Variants in ZNF717 observed in about 807,000 individuals in gnomAD.
The protein encoded by ZNF717 is krueppel-like factor X17.
Under a neutral mutation model 13.8 loss-of-function variants are expected in ZNF717, and 9 were observed. That is an observed-to-expected ratio of 0.65 (90% CI 0.39 to 1.14). The LOEUF is 1.14. Among genes scored for constraint, ZNF717 ranks in the 50% most tolerant of loss-of-function variants. The probability of loss-of-function intolerance (pLI) is 0.01; values close to 1 mark genes in which losing one functional copy is unlikely to be tolerated. For synonymous variants in ZNF717, 327 were observed against 364.1 expected (o/e 0.90, Z 1.16); for missense variants, 1,040 against 1,080.7 (o/e 0.96, Z 0.53).
At chr3:75,724,401 A>G (rs1334895306) in intron 4 of ZNF717, among the ~76,000 whole-genome samples, 1 of 151,370 alleles carries the variant, frequency 6.6e-6, no homozygotes, top group Non-Finnish European at 1.5e-5. Flanking sequence ...GGCTTACATC[A>G]TCACCCCTGG....
At chr3:75,754,037 T>C (rs957284963) in intron 2 of ZNF717, among the ~76,000 whole-genome samples, 9 of 152,264 alleles carry the variant, frequency 5.9e-5, no homozygotes, top group African/African-American at 2.2e-4. Flanking sequence ...GTCCCTGACA[T>C]AGGATTCCTG....
At chr3:75,752,606 GGA>G (rs1222337513) in intron 2 of ZNF717, among the ~76,000 whole-genome samples, 2 of 148,930 alleles carry the variant, frequency 1.3e-5, no homozygotes, top group Non-Finnish European at 3.0e-5. Flanking sequence ...CCCTCACACA[GGA>G]TTCCAGAGCA....
At chr3:75,700,667 G>C in intron 6 of ZNF717, among the ~76,000 whole-genome samples, 1 of 152,208 alleles carries the variant, frequency 6.6e-6, no homozygotes, top group Non-Finnish European at 1.5e-5. Flanking sequence ...CAACAAAAGT[G>C]CCAAGAACAT....
chr3:75,730,973 G>A (rs1439916652), downstream of ZNF717, among the ~76,000 whole-genome samples: 1 of 152,216 alleles, frequency 6.6e-6, no homozygotes, highest in Admixed American at 6.5e-5. Context: ...AGGTGCAGTG[G>A]CTCATGCCTG....
chr3:75,709,923 CCA>C (rs1937896457), exon 6 of ZNF717: 3 of 152,078 alleles, frequency 2.0e-5, no homozygotes, highest in Non-Finnish European at 4.4e-5. Flanking sequence ...TGTTCTCATC[CCA>C]CATTGAGGCA....
Position 75,738,284 on chromosome 3 carries a change from CTGTG to C in ZNF717, c.1335_1338del (p.His445GlnfsTer133). Reference sequence around the variant, plus strand: ...TCATTACATTCATACGGTTTTTCCCCTGTGTGTGTTCTCTGATGGACAGTAAGCC... The same window carrying C: ...TCATTACATTCATACGGTTTTTCCCCTGTGTTCTCTGATGGACAGTAAGCC... On this transcript the variant is annotated frameshift_variant, in exon 5 of 5. Transcript: ENST00000652011. LOFTEE classifies it low-confidence loss of function (END_TRUNC). The C allele has an allele frequency of 2.6e-6, 4 of 1,548,874 alleles. No individual in the cohort carries two copies. Among genetic ancestry groups the C allele is most frequent in the Non-Finnish European group, 3.5e-6 (4 of 1,145,304 alleles).
intron 2 of ZNF717, among the ~76,000 whole-genome samples, chr3:75,746,753 T>C (rs1941222915): frequency 6.6e-6 from 1 of 152,230 alleles, no homozygotes; most frequent in East Asian, 1.9e-4. Context: ...GAGTTCTTTG[T>C]AGATTCTGGA....
intron 6 of ZNF717, among the ~76,000 whole-genome samples, chr3:75,701,391 C>T (rs1440945798): frequency 6.6e-6 from 1 of 152,304 alleles, no homozygotes. Flanking sequence ...TTCAGTCTTG[C>T]CAGGTGTGGT....
chr3:75,748,263 A>C (rs1941360736), intron 2 of ZNF717, among the ~76,000 whole-genome samples: 1 of 152,186 alleles, frequency 6.6e-6, no homozygotes, highest in Non-Finnish European at 1.5e-5. Flanking sequence ...CAGAGGTGCA[A>C]GGATAAGCTG....
At chr3:75,697,418 A>G (rs1937615345) in intron 6 of ZNF717, among the ~76,000 whole-genome samples, 1 of 152,292 alleles carries the variant, frequency 6.6e-6, no homozygotes, top group Admixed American at 6.5e-5. Flanking sequence ...ATGGCTTAGC[A>G]CCATCCCATT....
In ZNF717 at chr3:75,715,978, G is replaced by GT. The variant is rs63089262; in HGVS notation, n.667+440dup. 3.9e-3 allele frequency among the ~76,000 whole-genome samples: 561 copies of GT among 143,962 alleles called. 1 individual carries two copies. Among genetic ancestry groups the GT allele is most frequent in the African/African-American group, 0.011 (438 of 39,198 alleles). 94.4% of individuals were successfully genotyped at this position (143,962 alleles called of 152,430 possible). ...CTGGTTTTTTTTGGTTTGTTTTTTT[G>GT]TTTTTTTTTTTTAGATGGATTCTTG... is the stretch of plus-strand genomic sequence containing the variant. On this transcript the variant is annotated intron_variant and non_coding_transcript_variant, in intron 5 of 5. Coordinates refer to the ZNF717 transcript ENST00000491507.
chr3:75,750,489 G>T (rs76235473), intron 2 of ZNF717, among the ~76,000 whole-genome samples: 1 of 151,844 alleles, frequency 6.6e-6, no homozygotes, highest in Non-Finnish European at 1.5e-5. Flanking sequence ...CTCCTGCTGT[G>T]GTCTGAATCC....
intron 6 of ZNF717, among the ~76,000 whole-genome samples, chr3:75,702,332 CTG>C (rs1239518729): frequency 2.6e-5 from 4 of 152,304 alleles, no homozygotes; most frequent in Non-Finnish European, 5.9e-5. Context: ...ATAAATGGAA[CTG>C]TAAGTCTTTA....
intron 6 of ZNF717, among the ~76,000 whole-genome samples, chr3:75,699,882 G>A (rs1937650557): frequency 6.6e-6 from 1 of 152,308 alleles, no homozygotes; most frequent in African/African-American, 2.4e-5. Context: ...ATTCAAAAAT[G>A]TAATACTATT....
chr3:75,713,318 C>T (rs1937983002), intron 5 of ZNF717, among the ~76,000 whole-genome samples: 1 of 151,584 alleles, frequency 6.6e-6, no homozygotes, highest in Non-Finnish European at 1.5e-5. Context: ...GCCTGGCTAA[C>T]TTCTGTATTT....
At chr3:75,729,275 C>G (rs1938375726), downstream of ZNF717, among the ~76,000 whole-genome samples, 1 of 152,234 alleles carries the variant, frequency 6.6e-6, no homozygotes, top group Non-Finnish European at 1.5e-5. Flanking sequence ...GCATTTGTGT[C>G]AGGTGGGCAG....
Position 75,742,982 on chromosome 3 carries a change from CAT to C in ZNF717, c.58-1248_58-1247del, listed in dbSNP as rs1306766362. Among the ~76,000 whole-genome samples, 3 of 152,284 alleles carry C rather than the reference CAT, an allele frequency of 2.0e-5. No individual in the cohort carries two copies. The South Asian group carries it at 6.2e-4, about 32-fold the overall frequency. On this transcript the variant is annotated intron_variant, in intron 2 of 4. Coordinates refer to ENST00000652011, the MANE Select transcript of ZNF717 (RefSeq NM_001290208.3). Reference sequence around the variant, plus strand: ...ATAGTCCCATAAGATGATGATGAAACATACACAGAAACCTGATATTGGCATTG... The same window carrying C: ...ATAGTCCCATAAGATGATGATGAAACACACAGAAACCTGATATTGGCATTG...
intron 2 of ZNF717, among the ~76,000 whole-genome samples, chr3:75,782,445 G>A (rs1371850333): frequency 6.6e-6 from 1 of 152,350 alleles, no homozygotes; most frequent in East Asian, 1.9e-4. Flanking sequence ...TTTGAGCAAG[G>A]AGCATACCTT....
chr3:75,781,058 A>C (rs534445570), intron 2 of ZNF717, among the ~76,000 whole-genome samples: 18 of 152,264 alleles, frequency 1.2e-4, no homozygotes, highest in Non-Finnish European at 2.2e-4. Context: ...TGAGAAAATA[A>C]CCAAAGGGAA....
Sources: gnomAD v4.1 joint callset for allele counts (sites outside exome capture counted in the v4.1 genomes callset) on GRCh38, gnomAD v4.1.1 for gene constraint, MANE v1.5 for transcripts, NCBI Gene and HGNC (gene_info 2026-07-23, HGNC 2026-07-21) for gene names.